Variants in ENTPD1 observed in about 807,000 individuals in gnomAD.
ENTPD1 encodes ectonucleoside triphosphate diphosphohydrolase 1.
A neutral mutation model predicts 57.0 loss-of-function variants in ENTPD1; 33 were observed. The ratio of observed to expected loss-of-function variants is 0.58; its 90% CI spans 0.44 to 0.77. The LOEUF is 0.77. Ranked by LOEUF, ENTPD1 falls within the 30% of genes least tolerant of loss-of-function variation. The pLI, the probability that ENTPD1 is intolerant of heterozygous loss-of-function variation, is 0.00. For missense variants in ENTPD1, 501 were observed against 603.4 expected (o/e 0.83, Z 1.78); for synonymous variants, 202 against 218.8 (o/e 0.92, Z 0.68).
At position 95,868,637 on chromosome 10, in the gene ENTPD1, T is replaced by C. The variant is rs892769441; in HGVS notation, c.*2254T>C. On this transcript the variant is annotated 3_prime_UTR_variant, in exon 10 of 10. Coordinates refer to ENST00000371205, the MANE Select transcript of ENTPD1 (RefSeq NM_001776.6). ...TCACAACAACCCATAAGGGTGTAAA[T>C]AGTATTTCCATTTTACAAATGAGGA... The C allele has an allele frequency of 4.2e-5, 41 of 981,306 alleles. No homozygotes were observed. The highest frequency in any genetic ancestry group is 5.2e-4 in the Middle Eastern group (1 of 1,934). The allele number at this position is 981,306 out of a possible 1,614,324, so 60.8% of individuals were successfully genotyped here.
At chr10:95,798,648 C>T (rs543901242) in intron 1 of ENTPD1, among the ~76,000 whole-genome samples, 2 of 152,260 alleles carry the variant, frequency 1.3e-5, no homozygotes, top group African/African-American at 4.8e-5. Flanking sequence ...TAAAATTTTC[C>T]TCATTAACTC....
intron 7 of ENTPD1, among the ~76,000 whole-genome samples, chr10:95,852,237 A>C (rs908662997): frequency 3.3e-5 from 5 of 152,170 alleles, no homozygotes; most frequent in African/African-American, 1.2e-4. Context: ...TCTTTTGAGA[A>C]GTGTCTATTC....
chr10:95,844,579 G>C lies in ENTPD1; in HGVS notation c.517G>C (p.Glu173Gln). ...FQGARIITGQ[E>Q]EGAYGWITIN... ...GGGTGCCAGGATCATTACTGGCCAA[G>C]AGGAAGGTGCCTATGGCTGGATTAC... Residue 173 changes from glutamate to glutamine, a missense_variant, in exon 5 of 10, where the codon GAG (glutamate) becomes CAG (glutamine). By Grantham distance (29) the Glu-to-Gln change is conservative. Coordinates refer to ENST00000371205, the MANE Select transcript of ENTPD1 (RefSeq NM_001776.6). The C allele has an allele frequency of 6.2e-7, 1 of 1,614,230 alleles. No individual in the cohort carries two copies. The highest frequency in any genetic ancestry group is 8.5e-7 in the Non-Finnish European group (1 of 1,180,042).
upstream of ENTPD1, among the ~76,000 whole-genome samples, chr10:95,709,741 CA>C (rs2097964021): frequency 6.7e-6 from 1 of 149,326 alleles, no homozygotes; most frequent in African/African-American, 2.4e-5. Context: ...CCCCAAGATG[CA>C]GTGTTTTTTG....
chr10:95,820,610 C>T (rs905617729), intron 1 of ENTPD1, among the ~76,000 whole-genome samples: 1 of 152,202 alleles, frequency 6.6e-6, no homozygotes, highest in African/African-American at 2.4e-5. Context: ...CTGGTGTTTT[C>T]TCCTCAAATG....
intron 5 of ENTPD1, 82 bp downstream of exon 5, chr10:95,844,717 C>T: frequency 6.6e-7 from 1 of 1,513,098 alleles, no homozygotes; most frequent in Non-Finnish European, 9.2e-7. Context: ...GGGTCGCTAG[C>T]CAGAATGAAT....
chr10:95,743,301 T>C (rs1178014693), intron 1 of ENTPD1, among the ~76,000 whole-genome samples: 1 of 152,212 alleles, frequency 6.6e-6, no homozygotes, highest in Non-Finnish European at 1.5e-5. Context: ...CATCACATCA[T>C]ACCAAGGATA....
At chr10:95,773,260 G>A (rs1480004060) in intron 1 of ENTPD1, among the ~76,000 whole-genome samples, 1 of 152,174 alleles carries the variant, frequency 6.6e-6, no homozygotes, top group Non-Finnish European at 1.5e-5. Context: ...GAGGCTTGGA[G>A]GAGACAAATA....
intron 1 of ENTPD1, among the ~76,000 whole-genome samples, chr10:95,811,675 C>T (rs555636190): frequency 6.6e-5 from 10 of 152,322 alleles, no homozygotes; most frequent in South Asian, 4.1e-4. Context: ...TGACCCACCA[C>T]GCCTGGCCCC....
chr10:95,761,265 GGT>G (rs898255730), intron 1 of ENTPD1, among the ~76,000 whole-genome samples: 37 of 152,214 alleles, frequency 2.4e-4, no homozygotes, highest in African/African-American at 8.9e-4. Context: ...TGGTGATTTT[GGT>G]GTGTGTGTGC....
intron 1 of ENTPD1, among the ~76,000 whole-genome samples, chr10:95,717,009 TG>T (rs1199304816): frequency 6.6e-6 from 1 of 152,236 alleles, no homozygotes; most frequent in African/African-American, 2.4e-5. Context: ...CAAAAAGTGT[TG>T]GGCCCTTTGC....
At chr10:95,714,308 T>G (rs1448396827) in intron 1 of ENTPD1, among the ~76,000 whole-genome samples, 2 of 152,022 alleles carry the variant, frequency 1.3e-5, no homozygotes, top group African/African-American at 2.4e-5. Context: ...AATGAGACCC[T>G]GTCTCGAAAA....
At chr10:95,698,728 T>A in the ENTPD1 span, among the ~76,000 whole-genome samples, 1 of 152,250 alleles carries the variant, frequency 6.6e-6, no homozygotes. Context: ...GACTTTGGAC[T>A]TCCCAGGCTT....
intron 1 of ENTPD1, among the ~76,000 whole-genome samples, chr10:95,717,500 G>T (rs549424261): frequency 6.6e-6 from 1 of 152,190 alleles, no homozygotes; most frequent in South Asian, 2.1e-4. Context: ...GGTGATATAT[G>T]ATTTGACTCT....
At chr10:95,746,897 T>C (rs1171314117) in intron 1 of ENTPD1, among the ~76,000 whole-genome samples, 2 of 152,230 alleles carry the variant, frequency 1.3e-5, no homozygotes, top group Non-Finnish European at 2.9e-5. Context: ...CAAAGCACAA[T>C]GTCAAGTAGT....
the ENTPD1 span, among the ~76,000 whole-genome samples, chr10:95,702,167 A>G: frequency 6.6e-6 from 1 of 152,080 alleles, no homozygotes; most frequent in Admixed American, 6.5e-5. Flanking sequence ...AGATCAAATT[A>G]AAAAACACAA....
At chr10:95,797,568 G>GTA (rs1447732335) in intron 1 of ENTPD1, among the ~76,000 whole-genome samples, 1 of 152,206 alleles carries the variant, frequency 6.6e-6, no homozygotes, top group Non-Finnish European at 1.5e-5. Flanking sequence ...TACACAAGCA[G>GTA]TATAGTGCCA....
At chr10:95,695,325 C>T in the ENTPD1 span, among the ~76,000 whole-genome samples, 1 of 152,166 alleles carries the variant, frequency 6.6e-6, no homozygotes, top group African/African-American at 2.4e-5. Flanking sequence ...CAGTATTTTC[C>T]TATGTCCACG....
intron 1 of ENTPD1, among the ~76,000 whole-genome samples, chr10:95,738,098 A>G (rs1223950160): frequency 1.3e-5 from 2 of 152,208 alleles, no homozygotes; most frequent in African/African-American, 2.4e-5. Context: ...AATGTTCTGG[A>G]AAAGTCCCTG....
Sources: allele counts gnomAD v4.1 joint callset (sites outside exome capture counted in the v4.1 genomes callset), GRCh38; gene constraint gnomAD v4.1.1; transcripts MANE v1.5; gene names NCBI Gene and HGNC (gene_info 2026-07-23, HGNC 2026-07-21).